Variants in ZNF805 observed in about 807,000 individuals in gnomAD.
ZNF805 encodes the protein zinc finger protein 805, also known as CTC-444N24.8.
In ZNF805, 7 loss-of-function variants were observed where a neutral mutation model predicts 13.6. The observed-to-expected ratio is 0.51, with a 90% CI of 0.29 to 0.97. ZNF805 has a LOEUF of 0.97. Among genes scored for constraint, ZNF805 ranks in the 50% least tolerant of loss-of-function variants. The pLI, the probability that ZNF805 is intolerant of heterozygous loss-of-function variation, is 0.08. For missense variants in ZNF805, 604 were observed against 771.0 expected (o/e 0.78, Z 2.57); for synonymous variants, 293 against 279.8 (o/e 1.05, Z -0.47).
chr19:57,258,822 T>C lies in ZNF805; in HGVS notation c.*4119T>C, dbSNP rs1568491944. Among the ~76,000 whole-genome samples the C allele has an allele frequency of 6.6e-6, 1 of 152,244 alleles. No individual in the cohort carries two copies. Among genetic ancestry groups the C allele is most frequent in the East Asian group, 1.9e-4 (1 of 5,202 alleles). ...AATTCTAAGCCACCTTCTATTAACA[T>C]TTTCTTTCTGTTTGGCGAACTTGTG... On this transcript the variant is annotated 3_prime_UTR_variant, in exon 4 of 4. Coordinates refer to ENST00000414468, the MANE Select transcript of ZNF805 (RefSeq NM_001023563.4).
rs2087678804 is a variant in ZNF805 at position 57,254,982 on chromosome 19, A to C, written c.*279A>C. 1 of 304,138 alleles carries C rather than the reference A, an allele frequency of 3.3e-6. No homozygotes were observed. Among genetic ancestry groups the C allele is most frequent in the South Asian group, 1.0e-4 (1 of 10,014 alleles). 18.8% of individuals were successfully genotyped at this position (304,138 alleles called of 1,614,324 possible). On this transcript the variant is annotated 3_prime_UTR_variant, in exon 4 of 4. Transcript: ENST00000414468. ...TGTATGTACATTTCTGTCCTGTGTC[A>C]GGAAAGTTAGTAAGGGAAGGTCTGG...
chr19:57,242,731 TTTTGCCCACATC>T (rs1228642850), intron 1 of ZNF805, among the ~76,000 whole-genome samples: 1 of 152,028 alleles, frequency 6.6e-6, no homozygotes, highest in Non-Finnish European at 1.5e-5. Context: ...GTGATGAGGG[TTTTGCCCACATC>T]TTGGGGATAT....
Position 57,255,316 on chromosome 19 carries a change from AT to A in ZNF805, c.*618del, listed in dbSNP as rs1476244264. Among the ~76,000 whole-genome samples, 4 of 151,798 alleles carry A rather than the reference AT, an allele frequency of 2.6e-5. No homozygotes were observed. Among genetic ancestry groups the A allele is most frequent in the Non-Finnish European group, 5.9e-5 (4 of 67,926 alleles). On this transcript the variant is annotated 3_prime_UTR_variant, in exon 4 of 4. Transcript: ENST00000414468. ...GTAATGTGATTTCTTTTTTCTTACTATTTTTATTTAAAATTCATTTAGCATT... is the reference window on the plus strand; with the variant it reads ...GTAATGTGATTTCTTTTTTCTTACTATTTTATTTAAAATTCATTTAGCATT...
In ZNF805 at chr19:57,253,535, C is replaced by G; in HGVS notation, c.716C>G (p.Thr239Ser). Residue 239 changes from threonine (T) to serine (S), a missense_variant, in exon 4 of 4, where the codon ACC becomes AGC. Physicochemically the swap from Thr to Ser is moderately conservative, Grantham distance 58 (BLOSUM62 1). Around this residue, in one of 3 missense-constraint regions of ZNF805, gnomAD observed 327 missense variants for 378.2 expected, o/e 0.86. Coordinates refer to ENST00000414468, the MANE Select transcript of ZNF805 (RefSeq NM_001023563.4). This position sits in a 1 kb window ranked among gnomAD's most constrained non-coding sequence, Gnocchi z 4.4. ...KPYECTECGK[T>S]FSKSTYLLQH... ...TATGAATGCACAGAGTGTGGAAAAA[C>G]CTTTAGCAAGAGTACATACCTCCTG... is the stretch of plus-strand genomic sequence containing the variant. 1 of 1,612,966 alleles carries G rather than the reference C, an allele frequency of 6.2e-7. No homozygotes were observed. The highest frequency in any genetic ancestry group is 8.5e-7 in the Non-Finnish European group (1 of 1,179,430).
Position 57,254,026 on chromosome 19 carries a change from G to C in ZNF805, c.1207G>C (p.Glu403Gln), listed in dbSNP as rs548369391. Residue 403 changes from glutamate to glutamine, a missense_variant, in exon 4 of 4, where the codon GAG becomes CAG. By Grantham distance (29) the Glu-to-Gln change is conservative. This residue lies in a region of ZNF805 where 228 missense variants were observed against 352.8 expected (regional missense o/e 0.65). Coordinates refer to ENST00000414468, the MANE Select transcript of ZNF805 (RefSeq NM_001023563.4). ...HTGEKPFECL[E>Q]CGKAFNHRSY... ...TGGAGAGAAGCCCTTTGAGTGCCTC[G>C]AGTGTGGGAAGGCTTTCAACCACCG... 6.2e-7 allele frequency: 1 copy of C among 1,613,766 alleles called. No individual in the cohort carries two copies. Among genetic ancestry groups the C allele is most frequent in the Non-Finnish European group, 8.5e-7 (1 of 1,179,970 alleles).
At chr19:57,245,512 G>C (rs539508968) in intron 2 of ZNF805, among the ~76,000 whole-genome samples, 2 of 152,154 alleles carry the variant, frequency 1.3e-5, no homozygotes, top group Non-Finnish European at 2.9e-5. Flanking sequence ...AGGTGCGATA[G>C]CTCATGCCTG....
At position 57,257,892 on chromosome 19, in the gene ZNF805, G is replaced by T. The variant is rs151106822; in HGVS notation, c.*3189G>T. On this transcript the variant is annotated 3_prime_UTR_variant, in exon 4 of 4. Transcript: ENST00000414468. The stretch of plus-strand genomic sequence containing the variant: ...TGACTGATTTTTTGTATTTTTAGTA[G>T]AGATGGAGTTTCACCATGTTGGCCA... Among the ~76,000 whole-genome samples, 5 of 151,652 alleles carry T rather than the reference G, an allele frequency of 3.3e-5. No homozygotes were observed. The highest frequency in any genetic ancestry group is 6.6e-5 in the Admixed American group (1 of 15,226).
rs1400572439 is a variant in ZNF805 at position 57,260,365 on chromosome 19, A to G, written c.*5662A>G. ...TTTCTTCCACACACATGCCCTGAGT[A>G]ACTATTCTGTGCACTGTCGCCACCC... On this transcript the variant is annotated 3_prime_UTR_variant, in exon 4 of 4. Transcript: ENST00000414468. Among the ~76,000 whole-genome samples, 1 of 152,188 alleles carries G rather than the reference A, an allele frequency of 6.6e-6. No homozygotes were observed. Among genetic ancestry groups the G allele is most frequent in the Admixed American group, 6.5e-5 (1 of 15,278 alleles).
intron 2 of ZNF805, among the ~76,000 whole-genome samples, chr19:57,245,606 T>A (rs7507587): frequency 2.7e-5 from 4 of 146,110 alleles, no homozygotes; most frequent in Non-Finnish European, 6.0e-5. Flanking sequence ...GGTGCAACCC[T>A]GTCTCTACTA....
chr19:57,245,621 T>TATA, intron 2 of ZNF805, among the ~76,000 whole-genome samples: 1 of 148,930 alleles, frequency 6.7e-6, no homozygotes, highest in Non-Finnish European at 1.5e-5. Context: ...CTACTAAAAA[T>TATA]ACAAAAAATT....
chr19:57,245,834 C>T (rs1489181871), intron 2 of ZNF805, among the ~76,000 whole-genome samples: 1 of 151,994 alleles, frequency 6.6e-6, no homozygotes, highest in South Asian at 2.1e-4. Context: ...GGAGATGCTG[C>T]TAAACATCCT....
At chr19:57,244,162 C>T in intron 2 of ZNF805, 113 bp downstream of exon 2, 1 of 1,333,184 alleles carries the variant, frequency 7.5e-7, no homozygotes, top group African/African-American at 1.5e-5. Flanking sequence ...GCCTCCTTCC[C>T]ACAAATTCAG....
At chr19:57,251,788 T>C (rs746040729) in intron 3 of ZNF805, among the ~76,000 whole-genome samples, 2 of 152,236 alleles carry the variant, frequency 1.3e-5, no homozygotes, top group Non-Finnish European at 2.9e-5. Context: ...ATTTTGAGTA[T>C]AGAATGTGAT....
At chr19:57,248,555 T>C in intron 2 of ZNF805, 50 bp from the exon 3 acceptor site, 5 of 1,462,092 alleles carry the variant, frequency 3.4e-6, no homozygotes, top group Non-Finnish European at 3.8e-6. Context: ...TGAAGGTCTT[T>C]ATTTCTTTTC....
chr19:57,252,279 C>G (rs565435012), intron 3 of ZNF805, among the ~76,000 whole-genome samples: 1 of 152,302 alleles, frequency 6.6e-6, no homozygotes, highest in Admixed American at 6.5e-5. Context: ...ACACAGTCCT[C>G]CAGGACTTTG....
rs903440536 is a variant in ZNF805 at position 57,258,577 on chromosome 19, TAC to T, written c.*3876_*3877del. On this transcript the variant is annotated 3_prime_UTR_variant, in exon 4 of 4. Transcript: ENST00000414468. ...GTATAATGTACATATGTAACATAAT[TAC>T]AGTTAATGGTATGAAAAATTTAGCA... is the stretch of plus-strand genomic sequence containing the variant. Among the ~76,000 whole-genome samples the T allele has an allele frequency of 6.6e-6, 1 of 151,988 alleles. No homozygotes were observed. The highest frequency in any genetic ancestry group is 1.5e-5 in the Non-Finnish European group (1 of 67,990).
chr19:57,241,191 G>C (rs758730938), intron 1 of ZNF805, among the ~76,000 whole-genome samples: 1 of 152,044 alleles, frequency 6.6e-6, no homozygotes, highest in Non-Finnish European at 1.5e-5. Flanking sequence ...CCAGCCTCCT[G>C]TTCTGCAATA....
Position 57,243,954 on chromosome 19 carries a change from C to T in ZNF805, c.62C>T (p.Thr21Ile). The T allele has an allele frequency of 6.2e-7, 1 of 1,614,168 alleles. No homozygotes were observed. The highest frequency in any genetic ancestry group is 8.5e-7 in the Non-Finnish European group (1 of 1,180,032). Residue 21 changes from threonine (T) to isoleucine (I), a missense_variant, in exon 2 of 4, where the codon ACT (threonine) becomes ATT (isoleucine). Around this residue, in one of 3 missense-constraint regions of ZNF805, gnomAD observed 327 missense variants for 378.2 expected, o/e 0.86. Transcript: ENST00000414468. ...VSVTFDDVAV[T>I]FTQEEWGQLD... The stretch of plus-strand genomic sequence containing the variant: ...GTGACCTTTGATGATGTGGCTGTGA[C>T]TTTCACCCAGGAGGAGTGGGGCCAG...
At position 57,258,456 on chromosome 19, in the gene ZNF805, T is replaced by C. The variant is rs2122851380; in HGVS notation, c.*3753T>C. Among the ~76,000 whole-genome samples the C allele has an allele frequency of 6.7e-6, 1 of 148,470 alleles. No homozygotes were observed. The highest frequency in any genetic ancestry group is 2.1e-4 in the South Asian group (1 of 4,684). On this transcript the variant is annotated 3_prime_UTR_variant, in exon 4 of 4. Transcript: ENST00000414468. Reference sequence around the variant, plus strand: ...GTTTGGGTTTTTTTTTTTTTGTCTTTAACATTTTTTAGAATTCCATTTGAT... The same window carrying C: ...GTTTGGGTTTTTTTTTTTTTGTCTTCAACATTTTTTAGAATTCCATTTGAT...
Sources: allele counts gnomAD v4.1 joint callset (sites outside exome capture counted in the v4.1 genomes callset), GRCh38; gene constraint gnomAD v4.1.1; regional missense constraint gnomAD v4.1.1; non-coding constraint Gnocchi (gnomAD v3.1); transcripts MANE v1.5; gene names NCBI Gene and HGNC (gene_info 2026-07-23, HGNC 2026-07-21).